Variants in RPRD1A observed in about 807,000 individuals in gnomAD.
RPRD1A encodes regulation of nuclear pre-mRNA domain containing 1A.
In RPRD1A, 9 loss-of-function variants were observed where a neutral mutation model predicts 37.8. The observed-to-expected ratio is 0.24, with a 90% CI of 0.14 to 0.42. RPRD1A has a LOEUF of 0.42. RPRD1A is among the 10% of genes least tolerant of loss of function. The pLI is 1.00. For synonymous variants in RPRD1A, 138 were observed against 139.7 expected, an observed-to-expected ratio of 0.99 and a Z score of 0.08; for missense variants, 255 against 371.0, an observed-to-expected ratio of 0.69 and a Z score of 2.57.
intron 6 of RPRD1A, among the ~76,000 whole-genome samples, chr18:36,011,069 G>A (rs1228861235): frequency 1.3e-5 from 2 of 152,188 alleles, no homozygotes; most frequent in Non-Finnish European, 2.9e-5. Context: ...TTAAACGCTA[G>A]AGATATGCTA....
Position 35,990,126 on chromosome 18 carries a change from A to G in RPRD1A, c.*3025T>C, listed in dbSNP as rs1908638391. The G allele has an allele frequency of 6.6e-6, 1 of 152,270 alleles. No individual in the cohort carries two copies. The highest frequency in any genetic ancestry group is 1.5e-5 in the Non-Finnish European group (1 of 68,046). The allele number at this position is 152,270 out of a possible 1,614,324, so 9.4% of individuals were successfully genotyped here. On this transcript the variant is annotated 3_prime_UTR_variant, in exon 7 of 7. Transcript: ENST00000399022. ...ACATCCTTAGGAGCTATTTCTTAAT[A>G]GAATACAAAGCAGTTTAGTAGCTTT...
intron 6 of RPRD1A, among the ~76,000 whole-genome samples, chr18:36,016,910 CT>C (rs1394797726): frequency 6.6e-6 from 1 of 152,040 alleles, no homozygotes; most frequent in Non-Finnish European, 1.5e-5. Flanking sequence ...CCTTCTAAAT[CT>C]TGCCAAAAGG....
intron 4 of RPRD1A, among the ~76,000 whole-genome samples, chr18:36,029,840 C>T (rs977953380): frequency 7.3e-5 from 11 of 151,250 alleles, no homozygotes; most frequent in African/African-American, 2.4e-4. Context: ...GAGTCTCGCT[C>T]TGTCACCCAG....
At chr18:36,064,214 G>C (rs2088972677) in intron 1 of RPRD1A, 1 of 152,560 alleles carries the variant, frequency 6.6e-6, no homozygotes, top group Non-Finnish European at 1.5e-5. Flanking sequence ...GCAGAGGCCG[G>C]AGCCGGCTCC....
intron 1 of RPRD1A, among the ~76,000 whole-genome samples, chr18:36,064,672 A>C (rs2088987278): frequency 6.6e-6 from 1 of 152,140 alleles, no homozygotes; most frequent in Non-Finnish European, 1.5e-5. Flanking sequence ...CTCTCTGTAA[A>C]ATGGACCAAT....
At chr18:36,011,177 A>G (rs774770142) in intron 6 of RPRD1A, among the ~76,000 whole-genome samples, 1 of 152,194 alleles carries the variant, frequency 6.6e-6, no homozygotes, top group Non-Finnish European at 1.5e-5. Flanking sequence ...CTTAAATCCC[A>G]TAATAACCAC....
At position 36,030,909 on chromosome 18, in the gene RPRD1A, A is replaced by T; in HGVS notation, c.389-4T>A. The T allele has an allele frequency of 1.2e-6, 2 of 1,607,546 alleles. No individual in the cohort carries two copies. The highest frequency in any genetic ancestry group is 1.7e-6 in the Non-Finnish European group (2 of 1,176,228). ...TTCCTAGGCTTCTTATCACCATCTG[A>T]AATGAAAGAACATTTAAGTATTAAT... On this transcript the variant is annotated splice_region_variant and splice_polypyrimidine_tract_variant and intron_variant, in intron 3 of 6. Transcript: ENST00000399022.
intron 1 of RPRD1A, chr18:36,040,867 T>TA (rs1165922163): frequency 6.6e-7 from 1 of 1,505,368 alleles, no homozygotes; most frequent in Non-Finnish European, 8.9e-7. Context: ...ACCTCCACTC[T>TA]AAAAGGAAGC....
At chr18:36,016,670 G>A (rs540494959) in intron 6 of RPRD1A, among the ~76,000 whole-genome samples, 1 of 152,254 alleles carries the variant, frequency 6.6e-6, no homozygotes, top group East Asian at 1.9e-4. Context: ...AATGTTTTCA[G>A]TATCAAACTG....
At chr18:36,064,782 G>C (rs983600750) in intron 1 of RPRD1A, among the ~76,000 whole-genome samples, 2 of 152,134 alleles carry the variant, frequency 1.3e-5, no homozygotes, top group Non-Finnish European at 2.9e-5. Flanking sequence ...TTGAAGATTT[G>C]TTCTTTCACT....
At chr18:36,054,827 T>C (rs752459001) in intron 1 of RPRD1A, among the ~76,000 whole-genome samples, 2 of 151,290 alleles carry the variant, frequency 1.3e-5, no homozygotes, top group Non-Finnish European at 2.9e-5. Context: ...AGCCAATACT[T>C]CAGTTTGAGT....
chr18:35,993,546 T>C (rs1908839395), intron 6 of RPRD1A, among the ~76,000 whole-genome samples: 1 of 152,228 alleles, frequency 6.6e-6, no homozygotes, highest in Admixed American at 6.5e-5. Flanking sequence ...CTAACATTAA[T>C]GTGCTTAACC....
intron 6 of RPRD1A, among the ~76,000 whole-genome samples, chr18:36,013,797 T>C (rs1259933302): frequency 1.3e-5 from 2 of 152,208 alleles, no homozygotes; most frequent in Non-Finnish European, 2.9e-5. Context: ...AGTAAAATTT[T>C]ATGTGAGAAA....
intron 1 of RPRD1A, among the ~76,000 whole-genome samples, chr18:36,043,096 T>C (rs571961730): frequency 1.3e-5 from 2 of 148,986 alleles, no homozygotes; most frequent in East Asian, 2.0e-4. Context: ...AAGCGATTGA[T>C]GTATTGATAT....
intron 6 of RPRD1A, among the ~76,000 whole-genome samples, chr18:36,023,834 C>T (rs1040008980): frequency 3.9e-5 from 6 of 152,136 alleles, no homozygotes; most frequent in African/African-American, 7.2e-5. Context: ...AACTAAGATA[C>T]GTACATTTTT....
At chr18:36,015,151 C>T (rs866181561) in intron 6 of RPRD1A, among the ~76,000 whole-genome samples, 5 of 132,206 alleles carry the variant, frequency 3.8e-5, no homozygotes, top group East Asian at 2.6e-4. Context: ...CACACACACA[C>T]ACACACATAT....
intron 1 of RPRD1A, among the ~76,000 whole-genome samples, chr18:36,034,871 T>C (rs1367527786): frequency 6.6e-6 from 1 of 152,216 alleles, no homozygotes; most frequent in Non-Finnish European, 1.5e-5. Flanking sequence ...TTCACATCAT[T>C]CTCGAGGAGC....
chr18:36,002,609 A>G (rs973715746), intron 6 of RPRD1A, among the ~76,000 whole-genome samples: 5 of 151,806 alleles, frequency 3.3e-5, no homozygotes, highest in Non-Finnish European at 7.4e-5. Flanking sequence ...TACTTATATT[A>G]CCCATCTGTT....
chr18:36,008,577 G>GTATGTATGTATGTATGTATGTATATATA (rs1909946486), intron 6 of RPRD1A, among the ~76,000 whole-genome samples: 1 of 47,800 alleles, frequency 2.1e-5, no homozygotes, highest in African/African-American at 6.7e-5. Flanking sequence ...CCTTGTGTGT[G>GTATGTATGTATGTATGTATGTATATATA]TATATATATA....
Sources: gnomAD v4.1 joint callset for allele counts (sites outside exome capture counted in the v4.1 genomes callset) on GRCh38, gnomAD v4.1.1 for gene constraint, MANE v1.5 for transcripts, NCBI Gene and HGNC (gene_info 2026-07-23, HGNC 2026-07-21) for gene names.